IL5RA: variants seen among roughly 807,000 people sequenced by gnomAD.
IL5RA encodes the protein interleukin-5 receptor subunit alpha.
IL5RA carries 49 observed loss-of-function variants against 50.0 expected under a neutral mutation model. The observed-to-expected ratio is 0.98, with a 90% confidence interval of 0.78 to 1.24. The LOEUF is 1.24. Among genes scored for constraint, IL5RA ranks in the 50% most tolerant of loss-of-function variants. IL5RA has a pLI of 0.00. For missense variants in IL5RA, 600 were observed against 500.4 expected (o/e 1.20, Z -1.90); for synonymous variants, 202 against 174.0 (o/e 1.16, Z -1.26).
At chr3:3,089,085 A>T (rs943646860) in intron 9 of IL5RA, among the ~76,000 whole-genome samples, 2 of 151,972 alleles carry the variant, frequency 1.3e-5, no homozygotes, top group African/African-American at 4.8e-5. Context: ...GCATCAACCT[A>T]GGGAGGAGGG....
chr3:3,096,989 G>T (rs375516828), intron 7 of IL5RA, among the ~76,000 whole-genome samples: 1 of 152,190 alleles, frequency 6.6e-6, no homozygotes, highest in African/African-American at 2.4e-5. Context: ...GGAATGATCA[G>T]CTTGTCCAAG....
At position 3,070,330 on chromosome 3, in the gene IL5RA, T is replaced by C. The variant is rs1323304257; in HGVS notation, c.1177-19A>G. On this transcript the variant is annotated intron_variant, in intron 11 of 11. Transcript: ENST00000446632. ...CAGCTTTCTGCAAAACAAATCATCT[T>C]TCCTTAGATGTCTTTTAGAGAACTT... 2.6e-6 allele frequency: 4 copies of C among 1,548,632 alleles called. No individual in the cohort carries two copies. Among genetic ancestry groups the C allele is most frequent in the African/African-American group, 2.7e-5 (2 of 73,378 alleles).
chr3:3,082,415 AAAG>A (rs1193317147), intron 9 of IL5RA, among the ~76,000 whole-genome samples: 7 of 152,224 alleles, frequency 4.6e-5, no homozygotes, highest in South Asian at 2.1e-4. Flanking sequence ...TGGGTTTCAG[AAAG>A]AAGAAGTCAC....
At position 3,068,587 on chromosome 3, in the gene IL5RA, C is replaced by CAAAAAAAAAAAAAA. The variant is rs760670295; in HGVS notation, c.*1624_*1637dup. ...AAGACTGTCTCCACCACCCACCCCACAAAAAAAAAAAAAAAAAAAAACAAA... is the reference window on the plus strand; with the variant it reads ...AAGACTGTCTCCACCACCCACCCCACAAAAAAAAAAAAAAAAAAAAAAAAAAAAAAAAAAACAAA... On this transcript the variant is annotated 3_prime_UTR_variant, in exon 12 of 12. Coordinates refer to ENST00000446632, the MANE Select transcript of IL5RA (RefSeq NM_175726.4). The CAAAAAAAAAAAAAA allele has an allele frequency of 2.0e-4, 7 of 35,604 alleles. No individual in the cohort carries two copies. The highest frequency in any genetic ancestry group is 5.3e-4 in the African/African-American group (6 of 11,352). The allele number at this position is 35,604 out of a possible 1,614,324, so 2.2% of individuals were successfully genotyped here.
chr3:3,076,161 C>T (rs1459417533), intron 10 of IL5RA, among the ~76,000 whole-genome samples: 1 of 152,112 alleles, frequency 6.6e-6, no homozygotes, highest in South Asian at 2.1e-4. Context: ...TTTAGCCTCC[C>T]TGAGCTGTGA....
At chr3:3,075,757 C>T (rs750572256) in intron 10 of IL5RA, among the ~76,000 whole-genome samples, 7 of 151,916 alleles carry the variant, frequency 4.6e-5, no homozygotes, top group Non-Finnish European at 7.4e-5. Context: ...CGTACCACCA[C>T]GCCCAGCTAA....
chr3:3,101,965 A>G, intron 4 of IL5RA, 135 bp from the exon 5 acceptor site: 2 of 790,660 alleles, frequency 2.5e-6, no homozygotes, highest in Non-Finnish European at 1.9e-6. Flanking sequence ...CTAGAAAAAA[A>G]GTCAAAACAA....
chr3:3,083,060 G>A (rs933743959), intron 9 of IL5RA, among the ~76,000 whole-genome samples: 2 of 152,208 alleles, frequency 1.3e-5, no homozygotes, highest in African/African-American at 4.8e-5. Context: ...GGATAATTGA[G>A]AGGATGTCAA....
rs1574968416 is a variant in IL5RA, at chr3:3,067,323, A to G, written c.*2902T>C. 6.6e-6 allele frequency: 1 copy of G among 152,368 alleles called. No homozygotes were observed. The highest frequency in any genetic ancestry group is 1.9e-4 in the East Asian group (1 of 5,184). 9.4% of individuals were successfully genotyped at this position (152,368 alleles called of 1,614,324 possible). On this transcript the variant is annotated 3_prime_UTR_variant, in exon 12 of 12. Coordinates refer to ENST00000446632, the MANE Select transcript of IL5RA (RefSeq NM_175726.4). ...CCCCCTGTCATTATTGTAGGCCTTG[A>G]GGATCTCTGCCAAATACTGTTCAGT... is the stretch of plus-strand genomic sequence containing the variant.
intron 6 of IL5RA, 32 bp downstream of exon 6, chr3:3,098,105 T>C (rs777877331): frequency 1.4e-5 from 23 of 1,613,836 alleles, no homozygotes; most frequent in Non-Finnish European, 1.9e-5. Flanking sequence ...GAAACAACCA[T>C]TTGCCTAAGT....
At chr3:3,106,613 T>A (rs992529186) in intron 2 of IL5RA, among the ~76,000 whole-genome samples, 4 of 152,168 alleles carry the variant, frequency 2.6e-5, no homozygotes, top group Non-Finnish European at 4.4e-5. Context: ...ATAATTTTTT[T>A]AAAATTTTCA....
intron 2 of IL5RA, among the ~76,000 whole-genome samples, chr3:3,107,738 C>T (rs1017401412): frequency 6.6e-6 from 1 of 152,140 alleles, no homozygotes; most frequent in South Asian, 2.1e-4. Flanking sequence ...TCCTCAAGTG[C>T]TCTCTAAAAA....
At chr3:3,078,829 C>T (rs1387658844) in intron 9 of IL5RA, among the ~76,000 whole-genome samples, 5 of 97,506 alleles carry the variant, frequency 5.1e-5, no homozygotes, top group Admixed American at 1.8e-4. Flanking sequence ...AGCGAGACTC[C>T]GTCTCAAAAA....
Position 3,074,853 on chromosome 3 carries a change from T to C in IL5RA, c.1105A>G (p.Ile369Val). ...GCTGGAATTGGTGGAAACAACTTGA[T>C]CCATAAATGACATCTGAAAACAGAG... ...SLICKICHLW[I>V]KLFPPIPAPK... The change falls in exon 11 of 12, where the codon ATC becomes GTC. Residue 369 changes from isoleucine to valine, a missense_variant. Ile to Val is a conservative substitution (Grantham distance 29, BLOSUM62 3). Coordinates refer to ENST00000446632, the MANE Select transcript of IL5RA (RefSeq NM_175726.4). 6.2e-7 allele frequency: 1 copy of C among 1,605,314 alleles called. No homozygotes were observed. The highest frequency in any genetic ancestry group is 1.1e-5 in the South Asian group (1 of 90,882).
chr3:3,075,762 A>G (rs902661475), intron 10 of IL5RA, among the ~76,000 whole-genome samples: 2 of 151,822 alleles, frequency 1.3e-5, no homozygotes, highest in African/African-American at 2.4e-5. Flanking sequence ...CACCACGCCC[A>G]GCTAATTTTT....
chr3:3,104,225 G>A (rs1194057662), intron 3 of IL5RA, among the ~76,000 whole-genome samples: 1 of 152,160 alleles, frequency 6.6e-6, no homozygotes, highest in Admixed American at 6.5e-5. Flanking sequence ...TTTTAGTAGA[G>A]TTGGGGTTTC....
chr3:3,103,881 A>G (rs1010667506), intron 3 of IL5RA, among the ~76,000 whole-genome samples: 8 of 152,306 alleles, frequency 5.3e-5, no homozygotes, highest in Non-Finnish European at 8.8e-5. Context: ...ACCTTCTTTT[A>G]TTCATTTACT....
intron 7 of IL5RA, among the ~76,000 whole-genome samples, chr3:3,096,450 G>A (rs1703372982): frequency 6.6e-6 from 1 of 152,094 alleles, no homozygotes; most frequent in Non-Finnish European, 1.5e-5. Context: ...ATATGACTTA[G>A]ATCTCACAAT....
intron 9 of IL5RA, among the ~76,000 whole-genome samples, chr3:3,084,909 G>A (rs1398835624): frequency 6.6e-6 from 1 of 152,270 alleles, no homozygotes; most frequent in Non-Finnish European, 1.5e-5. Context: ...CCCACAAGCT[G>A]CCATCCCTCC....
Sources: allele counts gnomAD v4.1 joint callset (sites outside exome capture counted in the v4.1 genomes callset), GRCh38; gene constraint gnomAD v4.1.1; transcripts MANE v1.5; gene names NCBI Gene and HGNC (gene_info 2026-07-23, HGNC 2026-07-21).